FBXL13: variants seen among roughly 807,000 people sequenced by gnomAD.
The protein encoded by FBXL13 is F-box and leucine-rich repeat protein 13.
In FBXL13, 67 loss-of-function variants were observed where a neutral mutation model predicts 83.6. The observed-to-expected ratio is 0.80, with a 90% CI of 0.66 to 0.98. The LOEUF (loss-of-function observed/expected upper bound fraction) is 0.98. FBXL13 is among the 50% of genes least tolerant of loss of function. FBXL13 has a pLI of 0.00. For missense variants in FBXL13, 822 were observed against 866.5 expected (o/e 0.95, Z 0.64); for synonymous variants, 272 against 299.5 (o/e 0.91, Z 0.95).
intron 11 of FBXL13, among the ~76,000 whole-genome samples, chr7:102,890,451 T>TGGTTGGAACA (rs1282917915): frequency 6.6e-6 from 1 of 152,188 alleles, no homozygotes; most frequent in African/African-American, 2.4e-5. Context: ...CCAGTGGTGT[T>TGGTTGGAACA]CCAACCACAA....
chr7:103,042,952 A>G (rs1795885957), intron 2 of FBXL13, among the ~76,000 whole-genome samples: 1 of 152,222 alleles, frequency 6.6e-6, no homozygotes, highest in East Asian at 1.9e-4. Context: ...ATGGCAACAA[A>G]AGCCAAAATA....
At chr7:103,039,850 C>T (rs539108138) in intron 2 of FBXL13, among the ~76,000 whole-genome samples, 10 of 152,076 alleles carry the variant, frequency 6.6e-5, no homozygotes, top group Non-Finnish European at 1.2e-4. Flanking sequence ...AAGGAACAAC[C>T]GGTACCAGCC....
At position 102,878,422 on chromosome 7, in the gene FBXL13, G is replaced by A. The variant is rs199732318; in HGVS notation, c.1417C>T (p.Leu473Phe). Residue 473 changes from leucine (L) to phenylalanine (F), a missense_variant, in exon 15 of 20, where the codon CTT becomes TTT. Physicochemically the swap from Leu to Phe is conservative, Grantham distance 22. Coordinates refer to ENST00000313221, the Ensembl canonical transcript of FBXL13. ...ATCCTCATGCTTGCAGGACCATCAA[G>A]AAATTGCTTTAGTCCCATATCACCA... 43 of 1,607,180 alleles carry A rather than the reference G, an allele frequency of 2.7e-5. 1 individual carries two copies. The South Asian group carries it at 4.4e-4, about 16-fold the overall frequency.
chr7:103,015,189 T>C (rs1356950305), intron 6 of FBXL13, among the ~76,000 whole-genome samples: 1 of 152,116 alleles, frequency 6.6e-6, no homozygotes, highest in Non-Finnish European at 1.5e-5. Context: ...TGAAGGAACA[T>C]ACCTCAAATA....
intron 2 of FBXL13, among the ~76,000 whole-genome samples, chr7:103,049,655 GT>G (rs1796611240): frequency 6.6e-6 from 1 of 152,182 alleles, no homozygotes; most frequent in East Asian, 1.9e-4. Flanking sequence ...GGTGCCTCCT[GT>G]TTTTCCCAAG....
chr7:102,812,412 AT>A (rs1343385783), downstream of FBXL13, among the ~76,000 whole-genome samples: 1 of 152,220 alleles, frequency 6.6e-6, no homozygotes, highest in Non-Finnish European at 1.5e-5. Flanking sequence ...TTTCTGAGAC[AT>A]TGCAGGGACA....
At chr7:103,074,075 C>A (rs1030815326) in intron 1 of FBXL13, among the ~76,000 whole-genome samples, 15 of 152,294 alleles carry the variant, frequency 9.8e-5, no homozygotes, top group Admixed American at 9.8e-4. Context: ...ACTCTTATAA[C>A]GGCAGTAGGA....
chr7:102,866,797 C>G (rs1453124666), intron 16 of FBXL13, among the ~76,000 whole-genome samples: 1 of 152,118 alleles, frequency 6.6e-6, no homozygotes, highest in East Asian at 1.9e-4. Context: ...GGAAATGGTG[C>G]CAGATTCATT....
intron 1 of FBXL13, among the ~76,000 whole-genome samples, chr7:103,060,020 TTATATATATATATATATATA>T (rs772728840): frequency 0.017 from 844 of 50,090 alleles, 44 homozygotes; most frequent in East Asian, 0.073. Flanking sequence ...GCAAGATATT[TTATATATATATATATATATA>T]TATATATATA....
At chr7:102,852,321 A>C (rs1469462257) in intron 17 of FBXL13, among the ~76,000 whole-genome samples, 1 of 152,154 alleles carries the variant, frequency 6.6e-6, no homozygotes, top group Non-Finnish European at 1.5e-5. Flanking sequence ...GTGACCCACA[A>C]AATTTATTCA....
At chr7:103,028,543 T>G (rs1563242343) in intron 4 of FBXL13, 57 bp downstream of exon 5, 2 of 1,306,888 alleles carry the variant, frequency 1.5e-6, no homozygotes, top group African/African-American at 3.1e-5. Flanking sequence ...ACTGTTAGTT[T>G]TTTTATTATT....
chr7:102,913,395 G>C (rs911105695), intron 10 of FBXL13, among the ~76,000 whole-genome samples, 180 bp from the exon 12 acceptor site: 11 of 152,274 alleles, frequency 7.2e-5, no homozygotes, highest in Non-Finnish European at 1.6e-4. Context: ...GTTATATAAG[G>C]TAACACACAA....
intron 11 of FBXL13, among the ~76,000 whole-genome samples, chr7:102,900,225 A>G (rs1812794796): frequency 6.6e-6 from 1 of 152,156 alleles, no homozygotes; most frequent in Non-Finnish European, 1.5e-5. Context: ...TTTGGACAAC[A>G]GCAGTGGGCA....
rs1812423100 is a variant in FBXL13, at chr7:102,897,667, C to T, written c.1009-13355G>A. On this transcript the variant is annotated intron_variant, in intron 11 of 19. Transcript: ENST00000313221. ...ATAGAAATCCCTGGTTATGTTTTTT[C>T]CCTTGAGTTCTTTTTCTTTCCTGCA... 2.6e-5 allele frequency among the ~76,000 whole-genome samples: 4 copies of T among 152,044 alleles called. No individual in the cohort carries two copies. The South Asian group carries it at 8.3e-4, about 31-fold the overall frequency.
In FBXL13 at chr7:102,822,026, A is replaced by C; in HGVS notation, c.2018+14T>G. ...TAGTTCTCAAAAGTTTGTCATAGTC[A>C]GGTACATACTTACTTGGAAATATTT... On this transcript the variant is annotated intron_variant, in intron 19 of 19. Transcript: ENST00000313221. The C allele has an allele frequency of 1.2e-6, 2 of 1,613,754 alleles. No homozygotes were observed. Among genetic ancestry groups the C allele is most frequent in the South Asian group, 2.2e-5 (2 of 91,054 alleles).
intron 8 of FBXL13, among the ~76,000 whole-genome samples, chr7:102,963,252 C>T (rs1825558667): frequency 6.6e-6 from 1 of 150,878 alleles, no homozygotes; most frequent in Admixed American, 6.6e-5. Context: ...ACCCAGGAGC[C>T]GGAGGTTACA....
chr7:102,881,393 C>T (rs1337723367), intron 14 of FBXL13, among the ~76,000 whole-genome samples: 1 of 141,432 alleles, frequency 7.1e-6, no homozygotes, highest in Non-Finnish European at 1.5e-5. Context: ...GCCAAGATTG[C>T]ACCACTGCAC....
At chr7:103,042,224 T>C (rs1010090708) in intron 2 of FBXL13, among the ~76,000 whole-genome samples, 2 of 152,164 alleles carry the variant, frequency 1.3e-5, no homozygotes, top group Non-Finnish European at 2.9e-5. Context: ...CCATTCACAA[T>C]TGCTTCAAAG....
intron 6 of FBXL13, among the ~76,000 whole-genome samples, chr7:102,991,977 C>T (rs1055488709): frequency 1.3e-5 from 2 of 152,180 alleles, no homozygotes; most frequent in East Asian, 3.9e-4. Context: ...ACCCTCCTCA[C>T]TCATTCTTTC....
Sources: gnomAD v4.1 joint callset for allele counts (sites outside exome capture counted in the v4.1 genomes callset) on GRCh38, gnomAD v4.1.1 for gene constraint, MANE v1.5 for transcripts, NCBI Gene and HGNC (gene_info 2026-07-23, HGNC 2026-07-21) for gene names.